The following UTS2 variants were observed in gnomAD, a reference collection of about 807,000 sequenced individuals.
UTS2 encodes urotensin 2.
Under a neutral mutation model 12.6 loss-of-function variants are expected in UTS2, and 10 were observed. The ratio of observed to expected loss-of-function variants is 0.80; its 90% CI spans 0.49 to 1.35. UTS2 has a LOEUF of 1.35. Among genes scored for constraint, UTS2 ranks in the 40% most tolerant of loss-of-function variants. The probability of loss-of-function intolerance (pLI) is 0.00; values close to 1 mark genes in which losing one functional copy is unlikely to be tolerated. For synonymous variants in UTS2, 52 were observed against 50.0 expected (o/e 1.04, Z -0.17); for missense variants, 142 against 143.2 (o/e 0.99, Z 0.04).
At chr1:7,863,387 A>G in the UTS2 span, among the ~76,000 whole-genome samples, 8 of 152,328 alleles carry the variant, frequency 5.3e-5, no homozygotes, top group African/African-American at 1.7e-4. Context: ...CTGGGATTAC[A>G]GGCGTGAGCC....
the UTS2 span, among the ~76,000 whole-genome samples, chr1:7,863,886 A>G: frequency 6.6e-6 from 1 of 152,222 alleles, no homozygotes; most frequent in African/African-American, 2.4e-5. Flanking sequence ...CCAGTTGTCT[A>G]AGATGACCTG....
At chr1:7,908,445 A>G in the UTS2 span, among the ~76,000 whole-genome samples, 1 of 136,134 alleles carries the variant, frequency 7.3e-6, no homozygotes, top group East Asian at 2.2e-4. Flanking sequence ...TGGGCGACAG[A>G]GTGAGACTCT....
At chr1:7,900,652 G>C in the UTS2 span, among the ~76,000 whole-genome samples, 1 of 151,032 alleles carries the variant, frequency 6.6e-6, no homozygotes, top group Non-Finnish European at 1.5e-5. Context: ...GTGGTGGCTG[G>C]CGCCTGTAAT....
At chr1:7,851,119 G>T (rs1274451713) in intron 1 of UTS2, among the ~76,000 whole-genome samples, 197 bp from the exon 2 acceptor site, 1 of 152,214 alleles carries the variant, frequency 6.6e-6, no homozygotes, top group African/African-American at 2.4e-5. Flanking sequence ...CAGCAGAATG[G>T]GAAGCCGGGA....
chr1:7,862,996 TTG>T, the UTS2 span, among the ~76,000 whole-genome samples: 1 of 18,912 alleles, frequency 5.3e-5, no homozygotes, highest in East Asian at 1.2e-3. Flanking sequence ...TTGTGTTGTA[TTG>T]TATTGTATTG....
chr1:7,892,903 T>C, the UTS2 span, among the ~76,000 whole-genome samples: 1 of 152,130 alleles, frequency 6.6e-6, no homozygotes. Flanking sequence ...AAGTCCTTTT[T>C]GCCATGAAAG....
intron 1 of UTS2, among the ~76,000 whole-genome samples, 194 bp from the exon 2 acceptor site, chr1:7,851,116 A>C (rs906055704): frequency 1.3e-5 from 2 of 152,212 alleles, no homozygotes; most frequent in Admixed American, 1.3e-4. Context: ...AGCCAGCAGA[A>C]TGGGAAGCCG....
At chr1:7,899,115 A>G in the UTS2 span, among the ~76,000 whole-genome samples, 11 of 152,240 alleles carry the variant, frequency 7.2e-5, no homozygotes, top group South Asian at 1.5e-3. Flanking sequence ...ACTTTTTAAC[A>G]ACCAGATCTT....
chr1:7,898,984 A>G, the UTS2 span, among the ~76,000 whole-genome samples: 1 of 152,198 alleles, frequency 6.6e-6, no homozygotes, highest in African/African-American at 2.4e-5. Flanking sequence ...CATAGGCTGT[A>G]CAGGAAGCAT....
chr1:7,851,024 T>G (rs973204322), intron 1 of UTS2, 102 bp from the exon 2 acceptor site: 8 of 1,117,212 alleles, frequency 7.2e-6, no homozygotes, highest in Non-Finnish European at 9.2e-6. Context: ...AGATGAACAC[T>G]AGAAAAACTT....
At chr1:7,911,471 C>A in the UTS2 span, among the ~76,000 whole-genome samples, 1 of 152,118 alleles carries the variant, frequency 6.6e-6, no homozygotes, top group Non-Finnish European at 1.5e-5. Flanking sequence ...GATGAAGAAA[C>A]CAGGGTTTAG....
rs535951832 is a variant in UTS2, at chr1:7,849,505, C to A, written c.258+135G>T. ...GGATCACAGGCATGAGCTACCGCGC[C>A]TGGTCATGCTGGCCAATTATTTTAA... is the stretch of plus-strand genomic sequence containing the variant. On this transcript the variant is annotated intron_variant, in intron 3 of 3. Coordinates refer to ENST00000361696, the MANE Select transcript of UTS2 (RefSeq NM_006786.4). 227 of 789,268 alleles carry A rather than the reference C, an allele frequency of 2.9e-4. 1 individual carries two copies. In the East Asian group the frequency reaches 6.3e-3, roughly 22 times the overall value. 48.9% of individuals were successfully genotyped at this position (789,268 alleles called of 1,614,324 possible).
At chr1:7,889,202 T>C in the UTS2 span, among the ~76,000 whole-genome samples, 1 of 136,258 alleles carries the variant, frequency 7.3e-6, no homozygotes, top group South Asian at 2.2e-4. Context: ...GGTGGACAGA[T>C]GGCTTGAGCC....
chr1:7,883,059 T>C, the UTS2 span, among the ~76,000 whole-genome samples: 1 of 152,128 alleles, frequency 6.6e-6, no homozygotes, highest in Non-Finnish European at 1.5e-5. Flanking sequence ...AGAAAATCAG[T>C]ACATCAAAGC....
the UTS2 span, among the ~76,000 whole-genome samples, chr1:7,906,906 G>T: frequency 2.0e-5 from 3 of 152,104 alleles, no homozygotes; most frequent in Non-Finnish European, 4.4e-5. Context: ...TGCAATCAGA[G>T]AGACACATAC....
chr1:7,907,862 T>C, the UTS2 span, among the ~76,000 whole-genome samples: 2 of 152,072 alleles, frequency 1.3e-5, no homozygotes, highest in Non-Finnish European at 2.9e-5. Flanking sequence ...TGTTTACCTT[T>C]TAAGATTATG....
chr1:7,858,541 A>G, the UTS2 span, among the ~76,000 whole-genome samples: 1,028 of 152,294 alleles, frequency 6.8e-3, 13 homozygotes, highest in African/African-American at 0.024. Flanking sequence ...CTCCCTGATG[A>G]CACGTTTGTC....
chr1:7,900,781 CAA>C, the UTS2 span, among the ~76,000 whole-genome samples: 2 of 148,362 alleles, frequency 1.3e-5, no homozygotes, highest in East Asian at 2.0e-4. Context: ...ATTCCATCTC[CAA>C]AAAAAAAAAA....
At chr1:7,907,123 G>T in the UTS2 span, among the ~76,000 whole-genome samples, 1 of 152,034 alleles carries the variant, frequency 6.6e-6, no homozygotes, top group African/African-American at 2.4e-5. Flanking sequence ...AGGTGTGGTG[G>T]TGCGCGCTTG....
Sources: gnomAD v4.1 joint callset for allele counts (sites outside exome capture counted in the v4.1 genomes callset) on GRCh38, gnomAD v4.1.1 for gene constraint, MANE v1.5 for transcripts, NCBI Gene and HGNC (gene_info 2026-07-23, HGNC 2026-07-21) for gene names.